NEGR1: variants seen among roughly 807,000 people sequenced by gnomAD.
NEGR1 encodes the protein neuronal growth regulator 1, also known as IgLON family member 4.
In NEGR1, 10 loss-of-function variants were observed where a neutral mutation model predicts 40.9. The ratio of observed to expected loss-of-function variants is 0.24; its 90% CI spans 0.15 to 0.42. The LOEUF is 0.42. NEGR1 is among the 10% of genes least tolerant of loss of function. The probability of loss-of-function intolerance (pLI) is 1.00; values close to 1 mark genes in which losing one functional copy is unlikely to be tolerated. For missense variants in NEGR1, 352 were observed against 438.9 expected, an observed-to-expected ratio of 0.80 and a Z score of 1.77; for synonymous variants, 185 against 166.8, an observed-to-expected ratio of 1.11 and a Z score of -0.84.
chr1:72,001,863 G>A (rs952419828), intron 1 of NEGR1, among the ~76,000 whole-genome samples: 1 of 151,860 alleles, frequency 6.6e-6, no homozygotes, highest in African/African-American at 2.4e-5. Flanking sequence ...TCACTTAAGA[G>A]TGTCATATCA....
At chr1:71,816,336 T>A (rs1327560982) in intron 2 of NEGR1, among the ~76,000 whole-genome samples, 1 of 152,092 alleles carries the variant, frequency 6.6e-6, no homozygotes, top group Non-Finnish European at 1.5e-5. Flanking sequence ...CCTTTTGTAT[T>A]AGTCCATTTT....
chr1:72,151,522 C>G (rs904823574), intron 1 of NEGR1, among the ~76,000 whole-genome samples: 1 of 151,154 alleles, frequency 6.6e-6, no homozygotes, highest in African/African-American at 2.4e-5. Context: ...ACATGATAAT[C>G]AATAATAAAA....
At chr1:71,923,063 A>T (rs1024674163) in intron 2 of NEGR1, among the ~76,000 whole-genome samples, 1 of 152,174 alleles carries the variant, frequency 6.6e-6, no homozygotes, top group African/African-American at 2.4e-5. Flanking sequence ...ATACTCTAAG[A>T]GACTTCACTC....
chr1:72,006,909 T>A (rs1403539307), intron 1 of NEGR1, among the ~76,000 whole-genome samples: 1 of 152,166 alleles, frequency 6.6e-6, no homozygotes, highest in East Asian at 1.9e-4. Flanking sequence ...CACATTTTGA[T>A]GAGGGTGTAA....
intron 1 of NEGR1, among the ~76,000 whole-genome samples, chr1:72,085,437 T>C (rs1648179642): frequency 6.6e-6 from 1 of 152,178 alleles, no homozygotes; most frequent in Non-Finnish European, 1.5e-5. Context: ...GTTTGTAGTT[T>C]TTGTTTTGAA....
intron 6 of NEGR1, among the ~76,000 whole-genome samples, chr1:71,479,952 GT>G (rs1214692295): frequency 6.6e-6 from 1 of 151,814 alleles, no homozygotes; most frequent in East Asian, 1.9e-4. Context: ...CTTCTTTTAT[GT>G]GATTCATATA....
chr1:71,729,118 C>G (rs1654771041), intron 3 of NEGR1, among the ~76,000 whole-genome samples: 1 of 152,050 alleles, frequency 6.6e-6, no homozygotes, highest in South Asian at 2.1e-4. Flanking sequence ...TACTGGCCTC[C>G]TTTCCTCTCG....
intron 6 of NEGR1, among the ~76,000 whole-genome samples, chr1:71,561,343 T>A (rs1557567489): frequency 6.6e-6 from 1 of 151,730 alleles, no homozygotes; most frequent in Admixed American, 6.6e-5. Context: ...CATATAATTT[T>A]AATAGGGCCT....
intron 3 of NEGR1, among the ~76,000 whole-genome samples, chr1:71,704,672 A>C (rs769078484): frequency 1.4e-4 from 21 of 151,954 alleles, no homozygotes; most frequent in Non-Finnish European, 2.4e-4. Flanking sequence ...CACAGAGAAA[A>C]CTTCAAGATC....
chr1:72,008,662 A>G (rs1255859862), intron 1 of NEGR1, among the ~76,000 whole-genome samples: 6 of 152,154 alleles, frequency 3.9e-5, no homozygotes, highest in African/African-American at 1.4e-4. Context: ...CTGAAAGTTT[A>G]GCCTTGGCCT....
At chr1:71,933,578 T>A (rs575436796) in intron 2 of NEGR1, among the ~76,000 whole-genome samples, 1 of 152,024 alleles carries the variant, frequency 6.6e-6, no homozygotes, top group African/African-American at 2.4e-5. Context: ...TAAGCTTGAA[T>A]AACATAAGAA....
At chr1:71,982,916 A>G (rs1240313667) in intron 1 of NEGR1, among the ~76,000 whole-genome samples, 1 of 152,174 alleles carries the variant, frequency 6.6e-6, no homozygotes, top group Non-Finnish European at 1.5e-5. Flanking sequence ...ACACATGGAA[A>G]GATAAGTGCA....
Position 71,776,280 on chromosome 1 carries a change from C to T in NEGR1, c.427G>A (p.Asp143Asn). 2 of 1,597,126 alleles carry T rather than the reference C, an allele frequency of 1.3e-6. No individual in the cohort carries two copies. The highest frequency in any genetic ancestry group is 1.7e-6 in the Non-Finnish European group (2 of 1,169,176). ...LTVQVPPKIY[D>N]ISNDMTVNEG... ...TTGACGGTCATATCATTTGAGATGTCATATATCTTAGGAGGAACTGAAATG... is the reference window on the plus strand; with the variant it reads ...TTGACGGTCATATCATTTGAGATGTTATATATCTTAGGAGGAACTGAAATG... The change falls in exon 3 of 7, where the codon GAC (aspartate) becomes AAC (asparagine). Residue 143 changes from aspartate (D) to asparagine (N), a missense_variant. Physicochemically the swap from Asp to Asn is conservative, Grantham distance 23. Coordinates refer to ENST00000357731, the MANE Select transcript of NEGR1 (RefSeq NM_173808.3).
intron 1 of NEGR1, among the ~76,000 whole-genome samples, chr1:71,984,804 G>C (rs1241495961): frequency 3.3e-5 from 5 of 152,060 alleles, no homozygotes; most frequent in Non-Finnish European, 7.4e-5. Flanking sequence ...CACAAGGCCA[G>C]AATTCTAGGT....
At chr1:71,791,040 T>TTTCTTCCTA in intron 2 of NEGR1, among the ~76,000 whole-genome samples, 1 of 152,082 alleles carries the variant, frequency 6.6e-6, no homozygotes, top group Admixed American at 6.6e-5. Context: ...ACAAGCCCAT[T>TTTCTTCCTA]AGAGGAGAGA....
chr1:71,759,596 C>CTTTTTT (rs71074804), intron 3 of NEGR1, among the ~76,000 whole-genome samples: 1,413 of 31,968 alleles, frequency 0.044, 530 homozygotes, highest in East Asian at 0.13. Context: ...TGCGTCCAGG[C>CTTTTTT]TTTTTTTTTT....
rs144896619 is a variant in NEGR1, at chr1:71,438,763, A to G, written c.941-31193T>C. Reference sequence around the variant, plus strand: ...ACTATCGAAAGTGAGATGGGGCCAGACATTCTTGAGAGAGAGCACCTGGCC... The same window carrying G: ...ACTATCGAAAGTGAGATGGGGCCAGGCATTCTTGAGAGAGAGCACCTGGCC... On this transcript the variant is annotated intron_variant, in intron 6 of 6. Transcript: ENST00000357731. 2.6e-5 allele frequency among the ~76,000 whole-genome samples: 4 copies of G among 152,316 alleles called. No individual in the cohort carries two copies. The East Asian group carries it at 7.7e-4, about 29-fold the overall frequency.
intron 1 of NEGR1, among the ~76,000 whole-genome samples, chr1:72,254,085 T>G (rs188085521): frequency 3.3e-4 from 50 of 152,322 alleles, no homozygotes; most frequent in African/African-American, 1.2e-3. Flanking sequence ...TAACCCAAAT[T>G]CTATACATAA....
intron 6 of NEGR1, among the ~76,000 whole-genome samples, chr1:71,503,172 A>AC (rs1251935457): frequency 6.6e-6 from 1 of 152,090 alleles, no homozygotes; most frequent in Non-Finnish European, 1.5e-5. Context: ...TGGCCTAAAG[A>AC]CCCTACTTGT....
Sources: allele counts gnomAD v4.1 joint callset (sites outside exome capture counted in the v4.1 genomes callset), GRCh38; gene constraint gnomAD v4.1.1; transcripts MANE v1.5; gene names NCBI Gene and HGNC (gene_info 2026-07-23, HGNC 2026-07-21).